Variants in RALGAPB observed in about 807,000 individuals in gnomAD.
RALGAPB encodes Ral GTPase activating protein non-catalytic subunit beta.
Under a neutral mutation model 161.1 loss-of-function variants are expected in RALGAPB, and 25 were observed. The ratio of observed to expected loss-of-function variants is 0.16; its 90% CI spans 0.11 to 0.22. The LOEUF is 0.22. Among genes scored for constraint, RALGAPB ranks in the 10% least tolerant of loss-of-function variants. RALGAPB has a pLI of 1.00. For missense variants in RALGAPB, 1,391 were observed against 1,815.2 expected, an observed-to-expected ratio of 0.77 and a Z score of 4.25; for synonymous variants, 629 against 626.1, an observed-to-expected ratio of 1.00 and a Z score of -0.07.
intron 12 of RALGAPB, 135 bp from the exon 13 acceptor site, chr20:38,525,760 C>A: frequency 1.1e-6 from 1 of 938,124 alleles, no homozygotes; most frequent in Non-Finnish European, 1.6e-6. Flanking sequence ...TTGTTAGTGA[C>A]AGATTCAGCA....
In RALGAPB at chr20:38,576,642, G is replaced by C. The variant is rs1451018287; in HGVS notation, c.*1675G>C. On this transcript the variant is annotated 3_prime_UTR_variant, in exon 30 of 30. Coordinates refer to ENST00000262879, the MANE Select transcript of RALGAPB (RefSeq NM_020336.4). ...GCTGGGCAATAAATTGATGTTTCCA[G>C]ATGGTAACATGGGAGAGGGCATATA... is the stretch of plus-strand genomic sequence containing the variant. 6.6e-6 allele frequency: 1 copy of C among 152,350 alleles called. No individual in the cohort carries two copies. Among genetic ancestry groups the C allele is most frequent in the Admixed American group, 6.5e-5 (1 of 15,278 alleles). 9.4% of individuals were successfully genotyped at this position (152,350 alleles called of 1,614,324 possible).
intron 6 of RALGAPB, 138 bp from the exon 7 acceptor site, chr20:38,516,054 C>G: frequency 1.6e-6 from 1 of 612,818 alleles, no homozygotes; most frequent in Non-Finnish European, 2.6e-6. Flanking sequence ...ATTTGAATCG[C>G]TGGCCCATTA....
At chr20:38,513,799 C>T (rs191184012) in intron 6 of RALGAPB, among the ~76,000 whole-genome samples, 2 of 152,246 alleles carry the variant, frequency 1.3e-5, no homozygotes, top group East Asian at 1.9e-4. Context: ...GTTGAACCAT[C>T]TATCATTCCT....
At chr20:38,534,079 C>T (rs2086733077) in intron 15 of RALGAPB, among the ~76,000 whole-genome samples, 1 of 142,284 alleles carries the variant, frequency 7.0e-6, no homozygotes, top group African/African-American at 2.7e-5. Context: ...GCAGAGGTTG[C>T]AGTGAGCCAA....
Position 38,482,214 on chromosome 20 carries a change from G to A in RALGAPB, c.-30-6189G>A, listed in dbSNP as rs528768510. 6.6e-5 allele frequency among the ~76,000 whole-genome samples: 10 copies of A among 152,258 alleles called. No individual in the cohort carries two copies. The South Asian group carries it at 2.1e-3, about 32-fold the overall frequency. The stretch of plus-strand genomic sequence containing the variant: ...TATTTACTATTCATTAAGTGGTAGT[G>A]GATCATAAAGGTCTTCATCCTCATC... On this transcript the variant is annotated intron_variant, in intron 1 of 29. Transcript: ENST00000262879.
At chr20:38,573,709 G>C (rs985080873) in intron 28 of RALGAPB, 1 of 152,166 alleles carries the variant, frequency 6.6e-6, no homozygotes, top group Non-Finnish European at 1.5e-5. Flanking sequence ...TTCTCCTCTG[G>C]GATTATCAGC....
chr20:38,549,585 T>C (rs948392958), intron 20 of RALGAPB, among the ~76,000 whole-genome samples: 7 of 147,392 alleles, frequency 4.7e-5, no homozygotes, highest in African/African-American at 7.5e-5. Flanking sequence ...CACATACATA[T>C]ACACACACAC....
intron 6 of RALGAPB, among the ~76,000 whole-genome samples, chr20:38,511,898 C>T (rs933265128): frequency 4.6e-5 from 7 of 151,918 alleles, no homozygotes; most frequent in African/African-American, 1.2e-4. Context: ...ACTTCCCAGA[C>T]GGGGCGGCCG....
chr20:38,562,392 A>G (rs1043654682), intron 23 of RALGAPB, 140 bp from the exon 24 acceptor site: 2 of 722,614 alleles, frequency 2.8e-6, no homozygotes, highest in African/African-American at 3.7e-5. Flanking sequence ...ATTTTTCTCT[A>G]TAGTGATATA....
Position 38,516,434 on chromosome 20 carries a change from C to T in RALGAPB, c.1051+64C>T, listed in dbSNP as rs981975076. On this transcript the variant is annotated intron_variant, in intron 7 of 29. Coordinates refer to ENST00000262879, the MANE Select transcript of RALGAPB (RefSeq NM_020336.4). ...CATTTAGATAACTCTAGAGGCTAAC[C>T]CTAGGAGTTATTAGAAAACATCCGA... 5.1e-6 allele frequency: 7 copies of T among 1,361,810 alleles called. No homozygotes were observed. The African/African-American group carries it at 7.4e-5, about 14-fold the overall frequency. The allele number at this position is 1,361,810 out of a possible 1,614,324, so 84.4% of individuals were successfully genotyped here. A position where few individuals can be genotyped will look rare whatever the true frequency, so the allele number is the denominator to read the frequency against.
At chr20:38,543,370 A>T (rs544259599) in intron 18 of RALGAPB, among the ~76,000 whole-genome samples, 1 of 152,260 alleles carries the variant, frequency 6.6e-6, no homozygotes, top group Non-Finnish European at 1.5e-5. Context: ...TTTGTAAAGT[A>T]TTTCCTCCAT....
intron 2 of RALGAPB, among the ~76,000 whole-genome samples, chr20:38,489,253 G>A (rs2122866753): frequency 6.6e-6 from 1 of 152,262 alleles, no homozygotes; most frequent in East Asian, 1.9e-4. Context: ...ACGGCTCACT[G>A]CAGCCTCAGT....
At chr20:38,532,900 G>T in intron 15 of RALGAPB, 41 bp downstream of exon 15, 1 of 1,584,538 alleles carries the variant, frequency 6.3e-7, no homozygotes, top group South Asian at 1.1e-5. Context: ...TTAATAGAAT[G>T]ACTTTAATGC....
Position 38,509,171 on chromosome 20 carries a change from G to A in RALGAPB, c.835G>A (p.Val279Ile). Residue 279 changes from valine to isoleucine, a missense_variant, in exon 6 of 30, where the codon GTT becomes ATT. Coordinates refer to ENST00000262879, the MANE Select transcript of RALGAPB (RefSeq NM_020336.4). ...LIPPEMDNECVAQTWFRFLHM... is the reference protein window; with the variant it reads ...LIPPEMDNECIAQTWFRFLHM... Reference sequence around the variant, plus strand: ...CCCTCCAGAAATGGATAATGAGTGTGTTGCACAGACATGGTTTCGCTTTTT... The same window carrying A: ...CCCTCCAGAAATGGATAATGAGTGTATTGCACAGACATGGTTTCGCTTTTT... 2 of 1,613,944 alleles carry A rather than the reference G, an allele frequency of 1.2e-6. No individual in the cohort carries two copies. The highest frequency in any genetic ancestry group is 1.7e-6 in the Non-Finnish European group (2 of 1,179,800).
chr20:38,491,480 C>T (rs2085279124), intron 2 of RALGAPB, among the ~76,000 whole-genome samples: 1 of 152,174 alleles, frequency 6.6e-6, no homozygotes, highest in Admixed American at 6.5e-5. Flanking sequence ...ATTCTACCAT[C>T]CTCTGGGCCA....
intron 1 of RALGAPB, among the ~76,000 whole-genome samples, chr20:38,475,168 C>T (rs2084768223): frequency 6.6e-6 from 1 of 151,836 alleles, no homozygotes; most frequent in South Asian, 2.1e-4. Flanking sequence ...GCATGTGTTC[C>T]CTACTTCATT....
intron 26 of RALGAPB, chr20:38,569,610 T>A (rs188816246): frequency 5.9e-6 from 2 of 341,688 alleles, no homozygotes; most frequent in African/African-American, 4.1e-5. Context: ...AGATACTGTG[T>A]GTAAATTTTG....
At chr20:38,556,783 A>G (rs805549) in intron 22 of RALGAPB, among the ~76,000 whole-genome samples, 10,410 of 152,248 alleles carry the variant, frequency 0.068, 658 homozygotes, top group African/African-American at 0.17. Context: ...GTGTATTGCA[A>G]CATGCTTCAG....
chr20:38,569,593 C>T lies in RALGAPB; in HGVS notation c.3955-295C>T, dbSNP rs1029435031. The T allele has an allele frequency of 1.1e-5, 3 of 272,336 alleles. No individual in the cohort carries two copies. In the Admixed American group the frequency reaches 1.3e-4, roughly 12 times the overall value. The allele number at this position is 272,336 out of a possible 1,614,324, so 16.9% of individuals were successfully genotyped here. A position where few individuals can be genotyped will look rare whatever the true frequency, so the allele number is the denominator to read the frequency against. On this transcript the variant is annotated intron_variant, in intron 26 of 29. Coordinates refer to ENST00000262879, the MANE Select transcript of RALGAPB (RefSeq NM_020336.4). ...GAGATAGACTCAAATCTTTTAAGCC[C>T]TCATTAAGATACTGTGTGTAAATTT...
Sources: allele counts gnomAD v4.1 joint callset (sites outside exome capture counted in the v4.1 genomes callset), GRCh38; gene constraint gnomAD v4.1.1; transcripts MANE v1.5; gene names NCBI Gene and HGNC (gene_info 2026-07-23, HGNC 2026-07-21).